Variants in ABCB1 observed in about 807,000 individuals in gnomAD.
ABCB1 encodes ATP binding cassette subfamily B member 1.
In ABCB1, 69 loss-of-function variants were observed where a neutral mutation model predicts 142.0. The observed-to-expected ratio is 0.49, with a 90% confidence interval of 0.40 to 0.59. The LOEUF (loss-of-function observed/expected upper bound fraction) is 0.59, where lower values mean the gene tolerates loss of function less well. Among genes scored for constraint, ABCB1 ranks in the 20% least tolerant of loss-of-function variants. The pLI, the probability that ABCB1 is intolerant of heterozygous loss-of-function variation, is 0.00. For missense variants in ABCB1, 1,326 were observed against 1,554.7 expected (o/e 0.85, Z 2.47); for synonymous variants, 532 against 539.2 (o/e 0.99, Z 0.18).
chr7:87,630,661 A>G (rs967144915), intron 1 of ABCB1, among the ~76,000 whole-genome samples: 3 of 151,470 alleles, frequency 2.0e-5, no homozygotes, highest in Admixed American at 6.6e-5. Flanking sequence ...TCACAAGGGC[A>G]GTGATTCTAT....
chr7:87,708,287 T>C (rs1278014546), intron 1 of ABCB1, among the ~76,000 whole-genome samples: 2 of 152,026 alleles, frequency 1.3e-5, no homozygotes, highest in South Asian at 2.1e-4. Context: ...AAATTACCGA[T>C]ATGAGGAATG....
chr7:87,624,051 G>A (rs1416720932), intron 1 of ABCB1, among the ~76,000 whole-genome samples: 1 of 152,086 alleles, frequency 6.6e-6, no homozygotes, highest in Non-Finnish European at 1.5e-5. Flanking sequence ...GAGGAAATTA[G>A]CTCTTTGTCT....
At chr7:87,711,659 G>A (rs1042260108) in intron 1 of ABCB1, among the ~76,000 whole-genome samples, 3 of 152,036 alleles carry the variant, frequency 2.0e-5, no homozygotes, top group Non-Finnish European at 2.9e-5. Context: ...ACTAACACAT[G>A]CCATGTATAA....
chr7:87,672,488 G>A (rs575555936), intron 1 of ABCB1, among the ~76,000 whole-genome samples: 2 of 152,318 alleles, frequency 1.3e-5, no homozygotes, highest in South Asian at 4.1e-4. Flanking sequence ...CCGTGGAAGT[G>A]GGGCCTGTAG....
intron 1 of ABCB1, among the ~76,000 whole-genome samples, chr7:87,668,988 G>A (rs912325571): frequency 5.9e-5 from 9 of 152,062 alleles, no homozygotes; most frequent in South Asian, 2.1e-4. Context: ...AGGTGTATCC[G>A]AGCCTTTTGG....
intron 1 of ABCB1, among the ~76,000 whole-genome samples, chr7:87,610,232 C>CT (rs914468581): frequency 0.014 from 1,692 of 117,022 alleles, 39 homozygotes; most frequent in African/African-American, 0.034. Context: ...CTTTTTCTTT[C>CT]TTTTTTTTTT....
In ABCB1 at chr7:87,661,496, C is replaced by G. The variant is rs73393806; in HGVS notation, c.-331+51665G>C. Among the ~76,000 whole-genome samples, 359 of 151,666 alleles carry G rather than the reference C, an allele frequency of 2.4e-3. 3 individuals are homozygous for G. The highest frequency in any genetic ancestry group is 8.5e-3 in the African/African-American group (350 of 41,420). On this transcript the variant is annotated intron_variant, in intron 1 of 28. Transcript: ENST00000265724. ...TTAACTGTTTTTAATTTTTAGTTCC[C>G]ACAAATAAGTGAAAATGAGCGAAGT...
chr7:87,626,092 ATATATAT>A, intron 1 of ABCB1, among the ~76,000 whole-genome samples: 1 of 120,810 alleles, frequency 8.3e-6, no homozygotes, highest in South Asian at 2.7e-4. Flanking sequence ...ATATATATAT[ATATATAT>A]TGTCATATAT....
chr7:87,709,205 C>G (rs1331961034), intron 1 of ABCB1: 2 of 979,220 alleles, frequency 2.0e-6, no homozygotes, highest in African/African-American at 1.8e-5. Flanking sequence ...AATCAGGAAG[C>G]AAGATTTTCC....
chr7:87,688,175 A>G (rs970255395), intron 1 of ABCB1, among the ~76,000 whole-genome samples: 1 of 152,146 alleles, frequency 6.6e-6, no homozygotes, highest in African/African-American at 2.4e-5. Flanking sequence ...CAGATATTGT[A>G]TCTCAGAAAA....
intron 1 of ABCB1, among the ~76,000 whole-genome samples, chr7:87,620,952 CT>C (rs2130094946): frequency 6.6e-6 from 1 of 152,104 alleles, no homozygotes; most frequent in East Asian, 1.9e-4. Context: ...AAAAACCTTA[CT>C]CATAATACCA....
At position 87,550,559 on chromosome 7, in the gene ABCB1, T is replaced by C. The variant is rs1394100410; in HGVS notation, c.1133A>G (p.Tyr378Cys). The change falls in exon 11 of 28, where the codon TAT (tyrosine) becomes TGT (cysteine). Residue 378 changes from tyrosine to cysteine, a missense_variant. Coordinates refer to ENST00000622132, the MANE Select transcript of ABCB1 (RefSeq NM_001348946.2). ...IIDNKPSIDS[Y>C]SKSGHKPDNI... is the part of the protein sequence containing the mutation. ...ATCTGGTTTGTGCCCACTCTTCGAA[T>C]AGCTGTCAATACTTGGCTTCTAAAC... 2 of 1,613,384 alleles carry C rather than the reference T, an allele frequency of 1.2e-6. No homozygotes were observed.
Position 87,505,999 on chromosome 7 carries a change from A to G in ABCB1, c.3534T>C (p.Gly1178=). ...CTATGGCAATGCGTTGTTTCTGGCC[A>G]CCAGAGAGCTGAGTTCCTTTGTCTC... ...KVGDKGTQLS[G]GQKQRIAIAR... The change falls in exon 27 of 28, where the codon GGT becomes GGC. Residue 1178 remains glycine (G), a synonymous_variant. Coordinates refer to ENST00000622132, the MANE Select transcript of ABCB1 (RefSeq NM_001348946.2). 3 of 1,614,172 alleles carry G rather than the reference A, an allele frequency of 1.9e-6. No individual in the cohort carries two copies. The highest frequency in any genetic ancestry group is 2.5e-6 in the Non-Finnish European group (3 of 1,180,014).
chr7:87,533,776 A>G (rs1816163592), intron 20 of ABCB1, among the ~76,000 whole-genome samples: 1 of 152,202 alleles, frequency 6.6e-6, no homozygotes, highest in African/African-American at 2.4e-5. Flanking sequence ...AGTAGATCCA[A>G]CAGTCCTCTC....
rs561960148 is a variant in ABCB1 at position 87,581,329 on chromosome 7, C to T, written c.286+4183G>A. On this transcript the variant is annotated intron_variant, in intron 4 of 27. Coordinates refer to ENST00000622132, the MANE Select transcript of ABCB1 (RefSeq NM_001348946.2). ...CCTGGATGTCATTTTACAGGCACCCCACCTGCCGTCTTCACCACAACACAT... is the reference window on the plus strand; with the variant it reads ...CCTGGATGTCATTTTACAGGCACCCTACCTGCCGTCTTCACCACAACACAT... Among the ~76,000 whole-genome samples, 13 of 152,220 alleles carry T rather than the reference C, an allele frequency of 8.5e-5. No individual in the cohort carries two copies. In the East Asian group the frequency reaches 2.3e-3, roughly 27 times the overall value.
At chr7:87,527,927 G>T (rs1189950620) in intron 21 of ABCB1, among the ~76,000 whole-genome samples, 1 of 152,200 alleles carries the variant, frequency 6.6e-6, no homozygotes, top group Non-Finnish European at 1.5e-5. Context: ...AAAGGAAAGA[G>T]GTTTAATGGA....
intron 8 of ABCB1, among the ~76,000 whole-genome samples, chr7:87,560,186 C>T (rs571215187): frequency 2.1e-4 from 32 of 152,268 alleles, no homozygotes; most frequent in African/African-American, 7.7e-4. Flanking sequence ...TTAAGCAGGA[C>T]TCCTCATTTT....
In ABCB1 at chr7:87,570,167, A is replaced by G. The variant is rs200469824; in HGVS notation, c.338+5T>C. On this transcript the variant is annotated splice_donor_5th_base_variant and intron_variant, in intron 5 of 27. Transcript: ENST00000622132. ...TTAACAATAGTAAGGAGAATGTCTA[A>G]TTACCTGGTCATGTCTTCCTCCAGA... 43 of 1,611,750 alleles carry G rather than the reference A, an allele frequency of 2.7e-5. No individual in the cohort carries two copies. Among genetic ancestry groups the G allele is most frequent in the Non-Finnish European group, 3.3e-5 (39 of 1,178,432 alleles).
chr7:87,701,623 A>G (rs1829043048), intron 1 of ABCB1, among the ~76,000 whole-genome samples: 1 of 152,228 alleles, frequency 6.6e-6, no homozygotes, highest in Admixed American at 6.5e-5. Flanking sequence ...AGTCATTAAT[A>G]TGATTACAGA....
Sources: gnomAD v4.1 joint callset for allele counts (sites outside exome capture counted in the v4.1 genomes callset) on GRCh38, gnomAD v4.1.1 for gene constraint, MANE v1.5 for transcripts, NCBI Gene and HGNC (gene_info 2026-07-23, HGNC 2026-07-21) for gene names.